The following MGST1 variants were observed in gnomAD, a reference collection of about 807,000 sequenced individuals.
MGST1 encodes the protein microsomal glutathione S-transferase 1, also known as glutathione S-transferase 12.
MGST1 carries 5 observed loss-of-function variants against 8.9 expected under a neutral mutation model. That is an observed-to-expected ratio of 0.56 (90% CI 0.29 to 1.19). The LOEUF is 1.19. Among genes scored for constraint, MGST1 ranks in the 50% most tolerant of loss-of-function variants. The pLI is 0.08. For missense variants in MGST1, 182 were observed against 187.4 expected (o/e 0.97, Z 0.17); for synonymous variants, 54 against 67.8 (o/e 0.80, Z 1.00).
rs1940730402 is a variant in MGST1 at position 16,410,075 on chromosome 12, C to A, written n.778+26471C>A. ...AGTGTAGCGCAGATTTAACTCTGAGCTTTCTCTTTGCTGTTCATAATCTGC... is the reference window on the plus strand; with the variant it reads ...AGTGTAGCGCAGATTTAACTCTGAGATTTCTCTTTGCTGTTCATAATCTGC... On this transcript the variant is annotated intron_variant and non_coding_transcript_variant, in intron 1 of 1. Transcript: ENST00000359720. This position sits in a 1 kb window ranked among gnomAD's most constrained non-coding sequence, Gnocchi z 4.4. Among the ~76,000 whole-genome samples the A allele has an allele frequency of 6.6e-6, 1 of 152,072 alleles. No individual in the cohort carries two copies. Among genetic ancestry groups the A allele is most frequent in the African/African-American group, 2.4e-5 (1 of 41,394 alleles).
intron 4 of MGST1, among the ~76,000 whole-genome samples, chr12:16,532,359 G>T (rs1941728399): frequency 6.6e-6 from 1 of 152,040 alleles, no homozygotes; most frequent in Non-Finnish European, 1.5e-5. Context: ...CTCTGTCAAA[G>T]AAATTGAACT....
At position 16,426,956 on chromosome 12, in the gene MGST1, C is replaced by T. The variant is rs192885979; in HGVS notation, n.779-10432C>T. Among the ~76,000 whole-genome samples the T allele has an allele frequency of 5.9e-4, 77 of 129,766 alleles. 1 individual carries two copies. In the East Asian group the frequency reaches 0.016, roughly 26 times the overall value. The allele number at this position is 129,766 out of a possible 152,430, so 85.1% of individuals were successfully genotyped here. On this transcript the variant is annotated intron_variant and non_coding_transcript_variant, in intron 1 of 1. Coordinates refer to the MGST1 transcript ENST00000359720. ...ACTGCCTCCATCCTGGGTGACAGAGCGAGACTCTGTCTCAAAAAAAAAAAA... is the reference window on the plus strand; with the variant it reads ...ACTGCCTCCATCCTGGGTGACAGAGTGAGACTCTGTCTCAAAAAAAAAAAA...
intron 1 of MGST1, chr12:16,402,272 A>G (rs1283393003): frequency 3.1e-6 from 5 of 1,589,360 alleles, no homozygotes; most frequent in Non-Finnish European, 4.3e-6. Context: ...TCTGTAAGGC[A>G]GTTGATTTGG....
In MGST1 at chr12:16,555,710, C is replaced by T. The variant is rs1160547831; in HGVS notation, n.483-33818C>T. 6.6e-6 allele frequency among the ~76,000 whole-genome samples: 1 copy of T among 152,178 alleles called. No individual in the cohort carries two copies. The highest frequency in any genetic ancestry group is 1.5e-5 in the Non-Finnish European group (1 of 68,024). On this transcript the variant is annotated intron_variant and non_coding_transcript_variant, in intron 4 of 4. Coordinates refer to the MGST1 transcript ENST00000538857. This position sits in a 1 kb window ranked among gnomAD's most constrained non-coding sequence, Gnocchi z 5.5. ...GCCTACCAAACCGCTTCTCTAATCT[C>T]TGAACATACTGAGCCGCTTTTCATT... is the stretch of plus-strand genomic sequence containing the variant.
At chr12:16,504,989 A>G (rs1370496443) in intron 4 of MGST1, among the ~76,000 whole-genome samples, 1 of 152,110 alleles carries the variant, frequency 6.6e-6, no homozygotes, top group African/African-American at 2.4e-5. Flanking sequence ...TCAGGCCTAC[A>G]TCGTATGGAT....
In MGST1 at chr12:16,497,281, A is replaced by T. The variant is rs1434322549; in HGVS notation, n.483-92247A>T. ...AACAGAAATTGACAGGCATTGAGAG[A>T]AACAGAAGACTCATGGAACAAATAA... On this transcript the variant is annotated intron_variant and non_coding_transcript_variant, in intron 4 of 4. Coordinates refer to the MGST1 transcript ENST00000538857. This position sits in a 1 kb window ranked among gnomAD's most constrained non-coding sequence, Gnocchi z 4.4. Among the ~76,000 whole-genome samples, 1 of 152,162 alleles carries T rather than the reference A, an allele frequency of 6.6e-6. No homozygotes were observed. The highest frequency in any genetic ancestry group is 1.9e-4 in the East Asian group (1 of 5,192).
chr12:16,573,226 A>G (rs1942880679), intron 4 of MGST1, among the ~76,000 whole-genome samples: 1 of 152,144 alleles, frequency 6.6e-6, no homozygotes, highest in African/African-American at 2.4e-5. Context: ...TATAAATACT[A>G]TTTGGGGGTT....
In MGST1 at chr12:16,523,855, G is replaced by GT. The variant is rs533601975; in HGVS notation, n.483-65671dup. ...CAGAATGCATTGCATTGTCAGCATT[G>GT]TTAGAATAAGCATATTGTCCGGTGA... is the stretch of plus-strand genomic sequence containing the variant. On this transcript the variant is annotated intron_variant and non_coding_transcript_variant, in intron 4 of 4. Transcript: ENST00000538857. Among the ~76,000 whole-genome samples the GT allele has an allele frequency of 4.7e-3, 711 of 152,188 alleles. 9 individuals carry two copies. Among genetic ancestry groups the GT allele is most frequent in the African/African-American group, 0.016 (680 of 41,560 alleles).
chr12:16,564,063 A>G (rs545621999), intron 4 of MGST1, among the ~76,000 whole-genome samples: 1 of 152,316 alleles, frequency 6.6e-6, no homozygotes, highest in South Asian at 2.1e-4. Context: ...ATCAGTGCAT[A>G]TAACTATTAA....
At chr12:16,505,377 C>G (rs1458858005) in intron 4 of MGST1, among the ~76,000 whole-genome samples, 3 of 152,198 alleles carry the variant, frequency 2.0e-5, no homozygotes, top group Admixed American at 2.0e-4. Flanking sequence ...ACATGTCTAG[C>G]TGAATATCCT....
intron 4 of MGST1, among the ~76,000 whole-genome samples, chr12:16,572,077 G>A (rs962884879): frequency 6.6e-6 from 1 of 151,894 alleles, no homozygotes; most frequent in Non-Finnish European, 1.5e-5. Context: ...CAAAAGGAAA[G>A]AGATTCAAAA....
rs941323619 is a variant in MGST1, at chr12:16,469,169, G to A, written n.482+85565G>A. ...CTATAACTGACATAACATGCATAAT[G>A]CTCTATTCCTTTTTTTTTTTTTTTT... On this transcript the variant is annotated intron_variant and non_coding_transcript_variant, in intron 4 of 4. Coordinates refer to the MGST1 transcript ENST00000538857. Among the ~76,000 whole-genome samples, 5 of 144,254 alleles carry A rather than the reference G, an allele frequency of 3.5e-5. 1 individual carries two copies. Among genetic ancestry groups the A allele is most frequent in the African/African-American group, 1.0e-4 (4 of 39,370 alleles). 94.6% of individuals were successfully genotyped at this position (144,254 alleles called of 152,430 possible). A position where few individuals can be genotyped will look rare whatever the true frequency, so the allele number is the denominator to read the frequency against.
intron 1 of MGST1, among the ~76,000 whole-genome samples, chr12:16,395,788 T>TACACACACACACAC (rs1352434655): frequency 9.9e-5 from 12 of 121,610 alleles, no homozygotes; most frequent in Admixed American, 1.7e-4. Flanking sequence ...ATCATATATA[T>TACACACACACACAC]ATATATATAT....
intron 4 of MGST1, among the ~76,000 whole-genome samples, chr12:16,499,382 C>A (rs537777072): frequency 6.6e-6 from 1 of 152,246 alleles, no homozygotes; most frequent in Admixed American, 6.5e-5. Flanking sequence ...TTTGAGGTAT[C>A]AGGTCTAGAA....
intron 1 of MGST1, among the ~76,000 whole-genome samples, chr12:16,403,572 C>G (rs1940677110): frequency 6.6e-6 from 1 of 151,764 alleles, no homozygotes; most frequent in Non-Finnish European, 1.5e-5. Flanking sequence ...ACTGCAATTA[C>G]TTTTGCACCA....
At chr12:16,583,166 C>T (rs543766154) in intron 4 of MGST1, among the ~76,000 whole-genome samples, 5 of 152,054 alleles carry the variant, frequency 3.3e-5, no homozygotes, top group South Asian at 2.1e-4. Flanking sequence ...AAGATGATCC[C>T]GGATAAAATG....
chr12:16,357,820 C>A, intron 3 of MGST1, 121 bp downstream of exon 3: 1 of 680,192 alleles, frequency 1.5e-6, no homozygotes, highest in Non-Finnish European at 2.5e-6. Flanking sequence ...ACCTACTCCA[C>A]ATGACAATTA....
chr12:16,393,606 A>G (rs562403973), intron 1 of MGST1, among the ~76,000 whole-genome samples: 1 of 152,240 alleles, frequency 6.6e-6, no homozygotes, highest in African/African-American at 2.4e-5. Context: ...TAAAACGGTT[A>G]TAAACCTTTG....
Position 16,361,600 on chromosome 12 carries a change from A to G in MGST1, c.222-2195A>G, listed in dbSNP as rs9332937. On this transcript the variant is annotated intron_variant, in intron 3 of 3. Coordinates refer to ENST00000396210, the MANE Select transcript of MGST1 (RefSeq NM_020300.5). This position sits in a 1 kb window ranked among gnomAD's most constrained non-coding sequence, Gnocchi z 4.2. ...TCCAGGAAGGAGTCTGTCGTTGGAG[A>G]AGAGGGGAGGGTTAGGACGGAAGGG... 4.6e-5 allele frequency among the ~76,000 whole-genome samples: 7 copies of G among 152,068 alleles called. No homozygotes were observed. In the East Asian group the frequency reaches 9.6e-4, roughly 21 times the overall value.
Sources: gnomAD v4.1 joint callset for allele counts (sites outside exome capture counted in the v4.1 genomes callset) on GRCh38, gnomAD v4.1.1 for gene constraint, Gnocchi (gnomAD v3.1) non-coding constraint, MANE v1.5 for transcripts, NCBI Gene and HGNC (gene_info 2026-07-23, HGNC 2026-07-21) for gene names.